SPG21: variants seen among roughly 807,000 people sequenced by gnomAD.
SPG21 encodes the protein maspardin.
In SPG21, 26 loss-of-function variants were observed where a neutral mutation model predicts 38.9. That is an observed-to-expected ratio of 0.67 (90% CI 0.49 to 0.93). The LOEUF is 0.93. Ranked by LOEUF, SPG21 falls within the 40% of genes least tolerant of loss-of-function variation. The pLI, the probability that SPG21 is intolerant of heterozygous loss-of-function variation, is 0.00. For synonymous variants in SPG21, 136 were observed against 128.9 expected (o/e 1.05, Z -0.37); for missense variants, 333 against 376.5 (o/e 0.88, Z 0.96).
Position 64,963,553 on chromosome 15 carries a change from G to T in SPG21, c.*67C>A. ...AACCTGAAGGAAAAGGCTGGCTGAC[G>T]GGTGCTGATGCCACTGACTATACAA... On this transcript the variant is annotated 3_prime_UTR_variant, in exon 9 of 9. Coordinates refer to ENST00000204566, the MANE Select transcript of SPG21 (RefSeq NM_016630.7). The T allele has an allele frequency of 7.5e-7, 1 of 1,334,698 alleles. No individual in the cohort carries two copies. The highest frequency in any genetic ancestry group is 1.2e-5 in the South Asian group (1 of 85,234). 82.7% of individuals were successfully genotyped at this position (1,334,698 alleles called of 1,614,324 possible).
intron 7 of SPG21, among the ~76,000 whole-genome samples, chr15:64,965,784 C>G (rs1379617901): frequency 2.0e-5 from 3 of 147,872 alleles, no homozygotes; most frequent in Non-Finnish European, 4.5e-5. Flanking sequence ...TCACTGCAAT[C>G]TCCACCTCCT....
Position 64,980,880 on chromosome 15 carries a change from C to T in SPG21, c.209G>A (p.Gly70Asp). Reference sequence around the variant, plus strand: ...AATACTTACAGCGATAACCCGGTAACCCCATCCAGTCAGAGCCAAAATCTG... The same window carrying T: ...AATACTTACAGCGATAACCCGGTAATCCCATCCAGTCAGAGCCAAAATCTG... ...FRQILALTGW[G>D]YRVIALQYPV... is the part of the protein sequence containing the mutation. Residue 70 changes from glycine to aspartate, a missense_variant, in exon 3 of 9, where the codon GGT (glycine) becomes GAT (aspartate). Transcript: ENST00000204566. 6.2e-7 allele frequency: 1 copy of T among 1,613,300 alleles called. No individual in the cohort carries two copies. The highest frequency in any genetic ancestry group is 8.5e-7 in the Non-Finnish European group (1 of 1,179,918).
intron 3 of SPG21, among the ~76,000 whole-genome samples, chr15:64,978,412 C>T (rs1311447904): frequency 6.6e-6 from 1 of 151,944 alleles, no homozygotes; most frequent in African/African-American, 2.4e-5. Context: ...CATACTACTG[C>T]ACTCTAGCCT....
chr15:64,969,501 A>G (rs1482398246), intron 6 of SPG21, 139 bp from the exon 7 acceptor site: 7 of 685,502 alleles, frequency 1.0e-5, no homozygotes, highest in Admixed American at 2.2e-5. Flanking sequence ...AGGAACCACA[A>G]CTTAGGTGAG....
chr15:64,973,159 G>C (rs1405029148), intron 5 of SPG21, among the ~76,000 whole-genome samples: 1 of 151,942 alleles, frequency 6.6e-6, no homozygotes, highest in Non-Finnish European at 1.5e-5. Flanking sequence ...TGTAGAGATG[G>C]GGTCTCACTA....
At position 64,976,340 on chromosome 15, in the gene SPG21, A is replaced by G. The variant is rs528930893; in HGVS notation, c.306+135T>C. 75 of 619,836 alleles carry G rather than the reference A, an allele frequency of 1.2e-4. No individual in the cohort carries two copies. In the South Asian group the frequency reaches 1.2e-3, roughly 10 times the overall value. 38.4% of individuals were successfully genotyped at this position (619,836 alleles called of 1,614,324 possible). ...TTTTGGAGACTGAGGCAGGAGAATCACTTGAATCCGGGAGGTGGAGGTTGC... is the reference window on the plus strand; with the variant it reads ...TTTTGGAGACTGAGGCAGGAGAATCGCTTGAATCCGGGAGGTGGAGGTTGC... On this transcript the variant is annotated intron_variant, in intron 4 of 8. Transcript: ENST00000204566.
chr15:64,981,394 A>G (rs1011445693), intron 2 of SPG21: 25 of 236,288 alleles, frequency 1.1e-4, no homozygotes, highest in African/African-American at 5.7e-4. Context: ...GGTTCAAGCG[A>G]TTCTCCTGCC....
chr15:64,967,186 C>T (rs774083174), intron 7 of SPG21, among the ~76,000 whole-genome samples: 3 of 150,726 alleles, frequency 2.0e-5, no homozygotes, highest in Non-Finnish European at 2.9e-5. Context: ...CTACTTCAAA[C>T]GATATGTCCA....
chr15:64,970,490 G>A (rs891929879), intron 5 of SPG21, among the ~76,000 whole-genome samples: 1 of 152,104 alleles, frequency 6.6e-6, no homozygotes, highest in Non-Finnish European at 1.5e-5. Context: ...ATTCTGATGA[G>A]TCCAAGATTG....
rs573903279 is a variant in SPG21, at chr15:64,977,974, C to T, written c.226-1419G>A. Among the ~76,000 whole-genome samples the T allele has an allele frequency of 2.7e-3, 415 of 152,116 alleles. 3 individuals are homozygous for T. The highest frequency in any genetic ancestry group is 9.7e-3 in the African/African-American group (401 of 41,542). ...AGTAGCTGGGACTACAGGCATGTGCCACCACACCCGACTAATTTTTTGTTG... is the reference window on the plus strand; with the variant it reads ...AGTAGCTGGGACTACAGGCATGTGCTACCACACCCGACTAATTTTTTGTTG... On this transcript the variant is annotated intron_variant, in intron 3 of 8. Transcript: ENST00000204566.
intron 3 of SPG21, among the ~76,000 whole-genome samples, chr15:64,979,363 T>A (rs796558201): frequency 1.7e-4 from 26 of 152,310 alleles, no homozygotes; most frequent in African/African-American, 5.8e-4. Flanking sequence ...TGTCTCAGGC[T>A]GCAGAGGGCT....
chr15:64,965,573 T>C (rs1218813813), intron 7 of SPG21, 113 bp from the exon 8 acceptor site: 3 of 1,485,090 alleles, frequency 2.0e-6, no homozygotes, highest in Non-Finnish European at 1.9e-6. Flanking sequence ...ATGGAAATGT[T>C]ACCCTAAGTA....
intron 5 of SPG21, among the ~76,000 whole-genome samples, chr15:64,972,123 T>G (rs1002132972): frequency 6.6e-6 from 1 of 152,220 alleles, no homozygotes; most frequent in African/African-American, 2.4e-5. Context: ...CTGATGCTTA[T>G]TACCACTGGG....
rs900398806 is a variant in SPG21 at position 64,970,014 on chromosome 15, C to G, written c.561+100G>C. ...GATGTATTACTCTGCTTAGCAAATACCTCTTACACATACTTGTGAGACAGA... is the reference window on the plus strand; with the variant it reads ...GATGTATTACTCTGCTTAGCAAATAGCTCTTACACATACTTGTGAGACAGA... On this transcript the variant is annotated intron_variant, in intron 6 of 8. Coordinates refer to ENST00000204566, the MANE Select transcript of SPG21 (RefSeq NM_016630.7). 7 of 996,806 alleles carry G rather than the reference C, an allele frequency of 7.0e-6. No homozygotes were observed. The African/African-American group carries it at 1.1e-4, about 16-fold the overall frequency. The allele number at this position is 996,806 out of a possible 1,614,324, so 61.7% of individuals were successfully genotyped here. A position where few individuals can be genotyped will look rare whatever the true frequency, so the allele number is the denominator to read the frequency against.
At chr15:64,974,853 T>A (rs2085745061) in intron 4 of SPG21, 106 bp from the exon 5 acceptor site, 1 of 1,248,734 alleles carries the variant, frequency 8.0e-7, no homozygotes, top group Non-Finnish European at 1.2e-6. Flanking sequence ...ATGTTATCAC[T>A]AGCCAATAGA....
chr15:64,979,557 T>C (rs1275519360), intron 3 of SPG21, among the ~76,000 whole-genome samples: 1 of 152,058 alleles, frequency 6.6e-6, no homozygotes, highest in Non-Finnish European at 1.5e-5. Flanking sequence ...GTAGTGATGA[T>C]AACTGTTTTC....
intron 3 of SPG21, among the ~76,000 whole-genome samples, chr15:64,977,209 T>C (rs2085796140): frequency 6.6e-6 from 1 of 152,004 alleles, no homozygotes; most frequent in African/African-American, 2.4e-5. Context: ...AGATTACAGA[T>C]GTCCACCACC....
At chr15:64,964,653 C>A (rs928418918) in intron 8 of SPG21, among the ~76,000 whole-genome samples, 1 of 151,654 alleles carries the variant, frequency 6.6e-6, no homozygotes, top group East Asian at 1.9e-4. Flanking sequence ...TTTTTTGAGA[C>A]GGAGTCTTGT....
chr15:64,964,562 C>G (rs1156931914), intron 8 of SPG21, among the ~76,000 whole-genome samples: 2 of 152,140 alleles, frequency 1.3e-5, no homozygotes, highest in Non-Finnish European at 2.9e-5. Flanking sequence ...CCAGGGCACT[C>G]ACCCCTCACT....
Sources: allele counts gnomAD v4.1 joint callset (sites outside exome capture counted in the v4.1 genomes callset), GRCh38; gene constraint gnomAD v4.1.1; transcripts MANE v1.5; gene names NCBI Gene and HGNC (gene_info 2026-07-23, HGNC 2026-07-21).